Variants in SHANK2 observed in about 807,000 individuals in gnomAD.
The protein encoded by SHANK2 is SH3 and multiple ankyrin repeat domains 2, also known as SH3 and multiple ankyrin repeat domains protein 2.
SHANK2 carries 43 observed loss-of-function variants against 133.7 expected under a neutral mutation model. The ratio of observed to expected loss-of-function variants is 0.32; its 90% CI spans 0.25 to 0.41. The LOEUF (loss-of-function observed/expected upper bound fraction) is 0.41. SHANK2 is among the 10% of genes least tolerant of loss of function. The probability of loss-of-function intolerance (pLI) is 1.00; values close to 1 mark genes in which losing one functional copy is unlikely to be tolerated. For missense variants in SHANK2, 1,994 were observed against 2,235.8 expected (o/e 0.89, Z 2.18); for synonymous variants, 1,017 against 952.8 (o/e 1.07, Z -1.24).
At chr11:70,859,508 T>C (rs1555067407) in intron 11 of SHANK2, among the ~76,000 whole-genome samples, 2 of 150,748 alleles carry the variant, frequency 1.3e-5, no homozygotes, top group South Asian at 4.2e-4. Flanking sequence ...GAAAGATGGG[T>C]AGGATGGATG....
At chr11:70,767,918 T>C (rs572614447) in intron 14 of SHANK2, among the ~76,000 whole-genome samples, 30 of 152,230 alleles carry the variant, frequency 2.0e-4, no homozygotes, top group Non-Finnish European at 4.3e-4. Flanking sequence ...CCTTTCCCTC[T>C]GCTTCTTGCA....
At chr11:70,673,865 A>C (rs931531223) in intron 15 of SHANK2, among the ~76,000 whole-genome samples, 2 of 152,254 alleles carry the variant, frequency 1.3e-5, no homozygotes, top group Non-Finnish European at 1.5e-5. Flanking sequence ...GACTGGTGTC[A>C]CCAGAGGGGC....
chr11:71,095,793 G>A (rs797030968), intron 6 of SHANK2, among the ~76,000 whole-genome samples: 2 of 152,340 alleles, frequency 1.3e-5, no homozygotes, highest in African/African-American at 2.4e-5. Context: ...TCTGCAGCTT[G>A]GCACTTCATG....
intron 12 of SHANK2, among the ~76,000 whole-genome samples, chr11:70,815,717 G>A (rs1184831678): frequency 1.1e-4 from 16 of 152,216 alleles, no homozygotes; most frequent in Admixed American, 1.0e-3. Context: ...GCCAGCAGGA[G>A]TCCCGGTGGG....
intron 2 of SHANK2, among the ~76,000 whole-genome samples, chr11:71,194,268 G>A (rs1055507335): frequency 4.6e-5 from 7 of 152,136 alleles, no homozygotes; most frequent in Admixed American, 4.6e-4. Context: ...TTACTCACGG[G>A]GACAACTAAG....
intron 17 of SHANK2, among the ~76,000 whole-genome samples, chr11:70,630,014 G>A (rs1365918855): frequency 1.3e-5 from 2 of 152,210 alleles, no homozygotes; most frequent in African/African-American, 2.4e-5. Flanking sequence ...AGAGGACATC[G>A]TCTGTGGGCT....
At chr11:70,617,640 G>C (rs562143770) in intron 17 of SHANK2, among the ~76,000 whole-genome samples, 1 of 152,186 alleles carries the variant, frequency 6.6e-6, no homozygotes, top group Non-Finnish European at 1.5e-5. Context: ...CAGAGTTAAC[G>C]GGAGAAGAAG....
intron 9 of SHANK2, among the ~76,000 whole-genome samples, chr11:71,059,623 G>C (rs936380679): frequency 6.6e-6 from 1 of 152,208 alleles, no homozygotes; most frequent in Non-Finnish European, 1.5e-5. Flanking sequence ...CTCAGGATCC[G>C]GCTGATTTCA....
At chr11:71,139,814 A>T (rs1952518360) in intron 3 of SHANK2, among the ~76,000 whole-genome samples, 1 of 152,230 alleles carries the variant, frequency 6.6e-6, no homozygotes, top group South Asian at 2.1e-4. Context: ...TTGTGCCTGA[A>T]GGGTTGTGAG....
intron 17 of SHANK2, among the ~76,000 whole-genome samples, chr11:70,526,122 C>T (rs2059393227): frequency 6.6e-6 from 1 of 152,110 alleles, no homozygotes; most frequent in African/African-American, 2.4e-5. Flanking sequence ...AGACCTGAGG[C>T]CATGCCAGGC....
intron 17 of SHANK2, among the ~76,000 whole-genome samples, chr11:70,625,141 C>T (rs552997233): frequency 2.4e-4 from 36 of 152,272 alleles, no homozygotes; most frequent in African/African-American, 8.2e-4. Flanking sequence ...CAAGGACAGG[C>T]AGGCGTGGGG....
chr11:70,594,432 C>T (rs541367463), intron 17 of SHANK2, among the ~76,000 whole-genome samples: 7 of 152,286 alleles, frequency 4.6e-5, no homozygotes, highest in South Asian at 4.1e-4. Flanking sequence ...CTCCTTTCTA[C>T]GTGGGGTGGG....
At chr11:71,119,307 T>C (rs1258835488) in intron 3 of SHANK2, among the ~76,000 whole-genome samples, 1 of 152,116 alleles carries the variant, frequency 6.6e-6, no homozygotes, top group African/African-American at 2.4e-5. Flanking sequence ...ACTGGCCGGG[T>C]GCGGTGGCTC....
At chr11:70,758,023 G>T (rs1946910235) in intron 14 of SHANK2, among the ~76,000 whole-genome samples, 1 of 152,156 alleles carries the variant, frequency 6.6e-6, no homozygotes, top group Non-Finnish European at 1.5e-5. Flanking sequence ...AGCCCAGCTG[G>T]GAAGGTGACC....
intron 11 of SHANK2, among the ~76,000 whole-genome samples, chr11:70,873,798 T>C (rs1459255292): frequency 6.6e-6 from 1 of 152,070 alleles, no homozygotes; most frequent in Non-Finnish European, 1.5e-5. Context: ...AACGATCTCA[T>C]GGGATTAGAA....
At chr11:70,568,650 C>CCCCG (rs1554982471) in intron 17 of SHANK2, among the ~76,000 whole-genome samples, 4 of 124,862 alleles carry the variant, frequency 3.2e-5, no homozygotes, top group Non-Finnish European at 7.1e-5. Context: ...ATTCCTGCCC[C>CCCCG]CCCCGCCCAC....
intron 17 of SHANK2, among the ~76,000 whole-genome samples, chr11:70,554,138 C>T (rs1426517101): frequency 6.6e-6 from 1 of 152,228 alleles, no homozygotes; most frequent in Non-Finnish European, 1.5e-5. Flanking sequence ...CTCCCGAGTC[C>T]AGCCCCTGTC....
chr11:70,526,688 C>A (rs551510104), intron 17 of SHANK2, among the ~76,000 whole-genome samples: 1 of 152,202 alleles, frequency 6.6e-6, no homozygotes, highest in African/African-American at 2.4e-5. Context: ...ACCTCGCAGG[C>A]GTAACCCTTT....
At chr11:70,936,315 C>T (rs1950570143) in intron 10 of SHANK2, among the ~76,000 whole-genome samples, 1 of 152,102 alleles carries the variant, frequency 6.6e-6, no homozygotes, top group South Asian at 2.1e-4. Flanking sequence ...AGTTTGAGAC[C>T]AGCCTGGCCA....
Sources: gnomAD v4.1 joint callset for allele counts (sites outside exome capture counted in the v4.1 genomes callset) on GRCh38, gnomAD v4.1.1 for gene constraint, MANE v1.5 for transcripts, NCBI Gene and HGNC (gene_info 2026-07-23, HGNC 2026-07-21) for gene names.